The following CES5A variants were observed in gnomAD, a reference collection of about 807,000 sequenced individuals.
CES5A encodes carboxylesterase 5A, also known as carboxylesterase 5.
In CES5A, 67 loss-of-function variants were observed where a neutral mutation model predicts 62.9. The observed-to-expected ratio is 1.07, with a 90% CI of 0.88 to 1.31. CES5A has a LOEUF of 1.31. CES5A is among the 50% of genes most tolerant of loss of function. The pLI, the probability that CES5A is intolerant of heterozygous loss-of-function variation, is 0.00. For missense variants in CES5A, 748 were observed against 708.5 expected (o/e 1.06, Z -0.63); for synonymous variants, 296 against 280.8 (o/e 1.05, Z -0.54).
chr16:55,908,466 T>C (rs1351862208), intron 1 of CES5A, among the ~76,000 whole-genome samples: 1 of 152,194 alleles, frequency 6.6e-6, no homozygotes, highest in Non-Finnish European at 1.5e-5. Flanking sequence ...GTTCAAGGGA[T>C]TCTCCTGCCT....
chr16:55,875,504 C>T (rs1567336695), upstream of CES5A: 1 of 619,356 alleles, frequency 1.6e-6, no homozygotes, highest in Non-Finnish European at 2.5e-6. Flanking sequence ...ACAGAAAAGA[C>T]ATTCCAGACC....
At chr16:55,855,176 C>T (rs1409644763) in intron 9 of CES5A, among the ~76,000 whole-genome samples, 1 of 152,252 alleles carries the variant, frequency 6.6e-6, no homozygotes, top group Non-Finnish European at 1.5e-5. Flanking sequence ...TCTCTGTCCA[C>T]CCCACATTGC....
chr16:55,934,932 T>C (rs2034354654), intron 2 of CES5A, among the ~76,000 whole-genome samples: 1 of 152,112 alleles, frequency 6.6e-6, no homozygotes, highest in Non-Finnish European at 1.5e-5. Context: ...TGTTTTGGGT[T>C]TTTTTGTTTT....
chr16:55,880,897 G>A (rs1349923554), intron 1 of CES5A, among the ~76,000 whole-genome samples: 1 of 152,174 alleles, frequency 6.6e-6, no homozygotes, highest in Non-Finnish European at 1.5e-5. Flanking sequence ...TGGAACCATA[G>A]TTTGACTATG....
intron 4 of CES5A, among the ~76,000 whole-genome samples, chr16:55,868,993 C>A (rs574784062): frequency 6.6e-6 from 1 of 152,320 alleles, no homozygotes; most frequent in Admixed American, 6.5e-5. Context: ...ACATGTTAGG[C>A]CTGATTGGAG....
In CES5A at chr16:55,846,427, C is replaced by T; in HGVS notation, c.*24G>A. On this transcript the variant is annotated 3_prime_UTR_variant, in exon 13 of 13. Transcript: ENST00000290567. ...AGAAATTATGGGAGGAGAAGGGAAA[C>T]CAAAATCACAGAAAGATAACTTCTC... 1 of 1,592,990 alleles carries T rather than the reference C, an allele frequency of 6.3e-7. No homozygotes were observed. Among genetic ancestry groups the T allele is most frequent in the South Asian group, 1.1e-5 (1 of 90,236 alleles).
intron 1 of CES5A, among the ~76,000 whole-genome samples, chr16:55,899,138 G>A (rs1352580978): frequency 6.6e-6 from 1 of 152,148 alleles, no homozygotes; most frequent in Non-Finnish European, 1.5e-5. Flanking sequence ...AGACCTTTCT[G>A]TTTAAGTGCC....
At chr16:55,929,176 G>A (rs1394473460), upstream of CES5A, among the ~76,000 whole-genome samples, 1 of 152,208 alleles carries the variant, frequency 6.6e-6, no homozygotes, top group Non-Finnish European at 1.5e-5. Flanking sequence ...GAACAGATTA[G>A]GGTTTACCAA....
intron 11 of CES5A, among the ~76,000 whole-genome samples, chr16:55,847,646 A>G (rs113405934): frequency 3.2e-4 from 48 of 152,210 alleles, no homozygotes; most frequent in African/African-American, 9.6e-4. Flanking sequence ...TATTCTACAT[A>G]TTGCTCTTTT....
chr16:55,901,310 T>G (rs1210966462), intron 1 of CES5A, among the ~76,000 whole-genome samples: 1 of 71,340 alleles, frequency 1.4e-5, no homozygotes, highest in East Asian at 3.6e-4. Flanking sequence ...ATTAAACCTC[T>G]TTCCTTTATA....
intron 11 of CES5A, among the ~76,000 whole-genome samples, chr16:55,848,888 G>A (rs550887877): frequency 6.6e-6 from 1 of 152,132 alleles, no homozygotes; most frequent in African/African-American, 2.4e-5. Flanking sequence ...AACCTAGGAG[G>A]AAGTTCTTTA....
chr16:55,858,428 A>C (rs2033286753), intron 8 of CES5A, among the ~76,000 whole-genome samples: 1 of 152,128 alleles, frequency 6.6e-6, no homozygotes, highest in Non-Finnish European at 1.5e-5. Context: ...TACAGTGGTG[A>C]TTGTCATCAC....
intron 11 of CES5A, among the ~76,000 whole-genome samples, chr16:55,847,185 A>G (rs1375384058): frequency 7.0e-6 from 1 of 141,962 alleles, no homozygotes; most frequent in Non-Finnish European, 1.5e-5. Flanking sequence ...CCTTCTCTCC[A>G]TCCTCTCTTC....
At chr16:55,910,928 C>T (rs2034086572) in intron 1 of CES5A, among the ~76,000 whole-genome samples, 1 of 152,136 alleles carries the variant, frequency 6.6e-6, no homozygotes, top group Non-Finnish European at 1.5e-5. Flanking sequence ...TAAAACTGCC[C>T]CTGCTTCCTC....
At chr16:55,888,397 A>G (rs1034066950) in intron 1 of CES5A, among the ~76,000 whole-genome samples, 1 of 152,240 alleles carries the variant, frequency 6.6e-6, no homozygotes, top group Non-Finnish European at 1.5e-5. Context: ...GGCAAGAACC[A>G]GTGGATAAAG....
intron 11 of CES5A, among the ~76,000 whole-genome samples, chr16:55,848,665 A>C (rs1968174): frequency 0.68 from 103,334 of 152,016 alleles, 35,662 homozygotes; most frequent in East Asian, 0.78. Flanking sequence ...CCCAGTTTTC[A>C]ATTAGGTTAT....
intron 1 of CES5A, among the ~76,000 whole-genome samples, chr16:55,908,344 G>GTTGGTTGT (rs1555485333): frequency 1.1e-4 from 17 of 150,942 alleles, no homozygotes; most frequent in African/African-American, 4.1e-4. Context: ...CAGTTTTGTT[G>GTTGGTTGT]TTGTTTGTTT....
intron 4 of CES5A, among the ~76,000 whole-genome samples, chr16:55,868,994 C>T (rs7499564): frequency 6.6e-6 from 1 of 152,254 alleles, no homozygotes; most frequent in Non-Finnish European, 1.5e-5. Flanking sequence ...CATGTTAGGC[C>T]TGATTGGAGG....
In CES5A at chr16:55,868,448, C is replaced by G. The variant is rs146880863; in HGVS notation, c.551+1163G>C. 1.7e-3 allele frequency among the ~76,000 whole-genome samples: 259 copies of G among 152,304 alleles called. 8 individuals are homozygous for G. In the South Asian group the frequency reaches 0.033, roughly 19 times the overall value. ...GCACATGTTCTCTGAACCCCTTCTC[C>G]TCAAGCCCAACCACATCCTTCTGGT... On this transcript the variant is annotated intron_variant, in intron 4 of 12. Transcript: ENST00000290567.
Sources: gnomAD v4.1 joint callset for allele counts (sites outside exome capture counted in the v4.1 genomes callset) on GRCh38, gnomAD v4.1.1 for gene constraint, MANE v1.5 for transcripts, NCBI Gene and HGNC (gene_info 2026-07-23, HGNC 2026-07-21) for gene names.